Variants in COG5 observed in about 807,000 individuals in gnomAD.
COG5 encodes the protein conserved oligomeric Golgi complex subunit 5.
COG5 carries 86 observed loss-of-function variants against 110.4 expected under a neutral mutation model. The observed-to-expected ratio is 0.78, with a 90% CI of 0.65 to 0.93. The LOEUF is 0.93. COG5 is among the 40% of genes least tolerant of loss of function. COG5 has a pLI of 0.00. For missense variants in COG5, 1,077 were observed against 987.0 expected, an observed-to-expected ratio of 1.09 and a Z score of -1.22; for synonymous variants, 360 against 334.6, an observed-to-expected ratio of 1.08 and a Z score of -0.83.
chr7:107,484,695 A>C (rs1797552944), intron 6 of COG5, among the ~76,000 whole-genome samples: 1 of 152,234 alleles, frequency 6.6e-6, no homozygotes, highest in Non-Finnish European at 1.5e-5. Context: ...AAAAGGCAAC[A>C]AGAAGTCTCA....
intron 19 of COG5, among the ~76,000 whole-genome samples, chr7:107,226,995 T>G (rs115445365): frequency 0.015 from 2,263 of 152,270 alleles, 55 homozygotes; most frequent in African/African-American, 0.052. Flanking sequence ...TAAGACGTCA[T>G]CTGCAGGAGG....
At chr7:107,397,394 T>C (rs1249734296) in intron 7 of COG5, among the ~76,000 whole-genome samples, 1 of 152,194 alleles carries the variant, frequency 6.6e-6, no homozygotes, top group Non-Finnish European at 1.5e-5. Context: ...TGAAACAATG[T>C]TAGCACCACC....
At chr7:107,222,316 C>T (rs878982858) in intron 19 of COG5, among the ~76,000 whole-genome samples, 2 of 152,150 alleles carry the variant, frequency 1.3e-5, no homozygotes, top group African/African-American at 2.4e-5. Flanking sequence ...TCTCCTGCCT[C>T]AGCCTTCTGA....
At chr7:107,230,324 G>C (rs1800686397) in intron 19 of COG5, among the ~76,000 whole-genome samples, 1 of 151,396 alleles carries the variant, frequency 6.6e-6, no homozygotes, top group Non-Finnish European at 1.5e-5. Flanking sequence ...ATTTCTATAA[G>C]AATCGGAAGC....
intron 10 of COG5, among the ~76,000 whole-genome samples, chr7:107,331,372 G>A (rs1008849416): frequency 6.6e-6 from 1 of 152,066 alleles, no homozygotes; most frequent in Non-Finnish European, 1.5e-5. Context: ...GGAGGCTGAG[G>A]CAGGAGAATG....
At chr7:107,328,901 A>G (rs972117094) in intron 10 of COG5, among the ~76,000 whole-genome samples, 2 of 151,940 alleles carry the variant, frequency 1.3e-5, no homozygotes, top group African/African-American at 4.8e-5. Context: ...GCTCATTGCA[A>G]CCTCCGCCTC....
At chr7:107,528,290 T>A (rs1435573375) in intron 5 of COG5, among the ~76,000 whole-genome samples, 1 of 152,046 alleles carries the variant, frequency 6.6e-6, no homozygotes, top group Admixed American at 6.6e-5. Flanking sequence ...GGTTTTGCCA[T>A]GTTGCCCAGG....
At position 107,511,512 on chromosome 7, in the gene COG5, A is replaced by G. The variant is rs796245270; in HGVS notation, c.538+15725T>C. 3.9e-5 allele frequency among the ~76,000 whole-genome samples: 6 copies of G among 152,220 alleles called. No homozygotes were observed. The South Asian group carries it at 1.2e-3, about 31-fold the overall frequency. On this transcript the variant is annotated intron_variant, in intron 6 of 21. Coordinates refer to ENST00000297135, the MANE Select transcript of COG5 (RefSeq NM_006348.5). The stretch of plus-strand genomic sequence containing the variant: ...TCCTTCTGAAACTATTCCAATCAAT[A>G]GAAAAAGAGGGAATCCTCCCTAACT...
At chr7:107,404,401 G>C (rs916697652) in intron 7 of COG5, among the ~76,000 whole-genome samples, 3 of 152,104 alleles carry the variant, frequency 2.0e-5, no homozygotes, top group Non-Finnish European at 2.9e-5. Context: ...TTAAAATACT[G>C]TAATTCTTTT....
chr7:107,458,209 A>C (rs538161907), intron 6 of COG5, among the ~76,000 whole-genome samples: 1 of 152,344 alleles, frequency 6.6e-6, no homozygotes, highest in Admixed American at 6.5e-5. Context: ...AATTTGTTGC[A>C]AACAACCCTG....
intron 10 of COG5, among the ~76,000 whole-genome samples, chr7:107,357,312 A>T (rs1037570818): frequency 6.6e-6 from 1 of 152,142 alleles, no homozygotes; most frequent in Non-Finnish European, 1.5e-5. Context: ...GGAATTCCCA[A>T]GTATGGAGAG....
At chr7:107,281,911 T>C (rs1323964646) in intron 13 of COG5, among the ~76,000 whole-genome samples, 1 of 151,980 alleles carries the variant, frequency 6.6e-6, no homozygotes, top group African/African-American at 2.4e-5. Flanking sequence ...ATAACAGGAC[T>C]ATAATTACAA....
At chr7:107,296,308 T>C (rs775708660) in intron 12 of COG5, among the ~76,000 whole-genome samples, 15 of 152,294 alleles carry the variant, frequency 9.8e-5, no homozygotes, top group Admixed American at 2.0e-4. Context: ...GCTTTGTATA[T>C]TTCTAGACCT....
intron 6 of COG5, among the ~76,000 whole-genome samples, chr7:107,471,193 AG>A (rs1309503726): frequency 1.3e-5 from 2 of 152,098 alleles, no homozygotes; most frequent in Non-Finnish European, 2.9e-5. Context: ...AATCTTTATT[AG>A]GAAAAAAGAC....
chr7:107,434,599 A>T lies in COG5; in HGVS notation c.539-21967T>A, dbSNP rs979777077. Among the ~76,000 whole-genome samples, 4 of 152,180 alleles carry T rather than the reference A, an allele frequency of 2.6e-5. No homozygotes were observed. In the East Asian group the frequency reaches 7.7e-4, roughly 29 times the overall value. On this transcript the variant is annotated intron_variant, in intron 6 of 21. Transcript: ENST00000297135. Reference sequence around the variant, plus strand: ...ACCTATTGAAATAAAAAATAAATTAAGAGATAAAATTTTAAAAAAAGATAA... The same window carrying T: ...ACCTATTGAAATAAAAAATAAATTATGAGATAAAATTTTAAAAAAAGATAA...
intron 6 of COG5, among the ~76,000 whole-genome samples, chr7:107,499,352 A>C (rs995829427): frequency 2.0e-5 from 3 of 152,250 alleles, no homozygotes; most frequent in Middle Eastern, 3.4e-3. Flanking sequence ...CACTAACGTA[A>C]GGTATTCCTA....
At chr7:107,477,029 T>A (rs1256907369) in intron 6 of COG5, among the ~76,000 whole-genome samples, 1 of 151,636 alleles carries the variant, frequency 6.6e-6, no homozygotes, top group African/African-American at 2.4e-5. Context: ...TTTTCTACTG[T>A]TTTTTGGAAT....
At chr7:107,358,919 T>G (rs1812859193) in intron 10 of COG5, among the ~76,000 whole-genome samples, 1 of 152,220 alleles carries the variant, frequency 6.6e-6, no homozygotes, top group Admixed American at 6.5e-5. Flanking sequence ...CATCTTTTTT[T>G]CCTTTTGCTG....
chr7:107,255,270 ATTATT>A (rs1802799766), intron 16 of COG5, among the ~76,000 whole-genome samples: 1 of 152,160 alleles, frequency 6.6e-6, no homozygotes. Flanking sequence ...ACTAAAAACA[ATTATT>A]TTATTATGGA....
Sources: allele counts gnomAD v4.1 joint callset (sites outside exome capture counted in the v4.1 genomes callset), GRCh38; gene constraint gnomAD v4.1.1; transcripts MANE v1.5; gene names NCBI Gene and HGNC (gene_info 2026-07-23, HGNC 2026-07-21).